TENM3: variants seen among roughly 807,000 people sequenced by gnomAD.
The protein encoded by TENM3 is teneurin transmembrane protein 3.
A neutral mutation model predicts 255.1 loss-of-function variants in TENM3; 63 were observed. That is an observed-to-expected ratio of 0.25 (90% CI 0.20 to 0.30). The LOEUF (loss-of-function observed/expected upper bound fraction) is 0.30, where lower values mean the gene tolerates loss of function less well. TENM3 is among the 10% of genes least tolerant of loss of function. The probability of loss-of-function intolerance (pLI) is 1.00; values close to 1 mark genes in which losing one functional copy is unlikely to be tolerated. For missense variants in TENM3, 2,929 were observed against 3,461.1 expected, an observed-to-expected ratio of 0.85 and a Z score of 3.86; for synonymous variants, 1,306 against 1,322.3, an observed-to-expected ratio of 0.99 and a Z score of 0.27.
At chr4:182,196,326 T>C in intron 1 of TENM3, among the ~76,000 whole-genome samples, 1 of 152,102 alleles carries the variant, frequency 6.6e-6, no homozygotes, top group Non-Finnish European at 1.5e-5. Context: ...TTCAGGAAGA[T>C]GTGTAGCGTG....
At chr4:182,177,082 T>C (rs541515402) in intron 1 of TENM3, among the ~76,000 whole-genome samples, 33 of 152,146 alleles carry the variant, frequency 2.2e-4, no homozygotes, top group Non-Finnish European at 3.7e-4. Flanking sequence ...TGAAAATCAA[T>C]TATGAATGAG....
chr4:182,366,624 C>T (rs1029999610), intron 3 of TENM3, among the ~76,000 whole-genome samples: 3 of 152,092 alleles, frequency 2.0e-5, no homozygotes, highest in Non-Finnish European at 4.4e-5. Flanking sequence ...GCAGTCAAAT[C>T]TTTGCAAAGA....
At chr4:181,469,508 T>C in the TENM3 span, among the ~76,000 whole-genome samples, 57 of 152,274 alleles carry the variant, frequency 3.7e-4, no homozygotes, top group East Asian at 9.6e-3. Flanking sequence ...TAGAAAACAC[T>C]TGCATATTTT....
At chr4:181,604,456 A>G in the TENM3 span, among the ~76,000 whole-genome samples, 1 of 151,824 alleles carries the variant, frequency 6.6e-6, no homozygotes, top group Admixed American at 6.6e-5. Flanking sequence ...ACTGTTTCCC[A>G]GGGGGGACAT....
intron 2 of TENM3, among the ~76,000 whole-genome samples, chr4:182,335,337 T>C (rs899387767): frequency 8.2e-5 from 10 of 121,252 alleles, no homozygotes; most frequent in African/African-American, 2.2e-4. Context: ...CTACTAAAAA[T>C]ACAAAAAATT....
the TENM3 span, among the ~76,000 whole-genome samples, chr4:181,470,121 A>C: frequency 0.088 from 2,416 of 27,512 alleles, 107 homozygotes; most frequent in Middle Eastern, 0.17. Flanking sequence ...AAAAAAAAAA[A>C]AAAACATTAT....
intron 22 of TENM3, among the ~76,000 whole-genome samples, chr4:182,757,234 C>T (rs1005839771): frequency 6.8e-6 from 1 of 146,720 alleles, no homozygotes; most frequent in Non-Finnish European, 1.5e-5. Flanking sequence ...ATGGCATGAA[C>T]CCGGGAGGTG....
chr4:182,710,826 A>G (rs1167140656), intron 12 of TENM3, among the ~76,000 whole-genome samples: 2 of 152,222 alleles, frequency 1.3e-5, no homozygotes, highest in East Asian at 1.9e-4. Flanking sequence ...TGAAGGAGGC[A>G]TTTATGTCTC....
At chr4:182,569,692 A>G in intron 3 of TENM3, among the ~76,000 whole-genome samples, 1 of 152,246 alleles carries the variant, frequency 6.6e-6, no homozygotes, top group East Asian at 1.9e-4. Flanking sequence ...GGACGTCAAC[A>G]AGAGAAAACT....
intron 3 of TENM3, among the ~76,000 whole-genome samples, chr4:182,400,369 G>A (rs1342442123): frequency 2.0e-5 from 3 of 152,158 alleles, no homozygotes; most frequent in Non-Finnish European, 4.4e-5. Flanking sequence ...ATCAATTACT[G>A]TAACCTAAAA....
the TENM3 span, among the ~76,000 whole-genome samples, chr4:182,094,525 C>A: frequency 6.6e-6 from 1 of 152,150 alleles, no homozygotes; most frequent in African/African-American, 2.4e-5. Context: ...GGATTACAGG[C>A]GTGAGCCACG....
chr4:182,770,419 G>A (rs909746407), intron 22 of TENM3, among the ~76,000 whole-genome samples: 1 of 152,114 alleles, frequency 6.6e-6, no homozygotes, highest in Non-Finnish European at 1.5e-5. Flanking sequence ...TGGCCACTGT[G>A]CCTCAGCCGG....
chr4:182,615,535 G>A (rs1749421407), intron 4 of TENM3, among the ~76,000 whole-genome samples: 1 of 152,092 alleles, frequency 6.6e-6, no homozygotes, highest in African/African-American at 2.4e-5. Flanking sequence ...TGGAAATGTA[G>A]ATATTATGAA....
intron 3 of TENM3, among the ~76,000 whole-genome samples, chr4:182,360,935 A>C (rs527587367): frequency 2.6e-5 from 4 of 152,238 alleles, no homozygotes; most frequent in East Asian, 1.9e-4. Flanking sequence ...AAAATCTCTT[A>C]GCATTTGCTT....
At chr4:182,712,935 T>A (rs964463361) in intron 12 of TENM3, among the ~76,000 whole-genome samples, 1 of 152,240 alleles carries the variant, frequency 6.6e-6, no homozygotes, top group Non-Finnish European at 1.5e-5. Context: ...ATTTCTCTCC[T>A]TGCTTCTGTC....
At chr4:182,359,202 C>T (rs779275057) in intron 3 of TENM3, among the ~76,000 whole-genome samples, 27 of 152,182 alleles carry the variant, frequency 1.8e-4, no homozygotes, top group South Asian at 1.0e-3. Flanking sequence ...TGTCTCTGCC[C>T]GGCTTTGGTA....
the TENM3 span, among the ~76,000 whole-genome samples, chr4:181,560,601 G>A: frequency 9.2e-5 from 14 of 152,082 alleles, no homozygotes; most frequent in African/African-American, 3.1e-4. Flanking sequence ...CAAACAAACA[G>A]GGACTCAGGA....
At chr4:181,797,841 A>G in the TENM3 span, among the ~76,000 whole-genome samples, 1 of 152,176 alleles carries the variant, frequency 6.6e-6, no homozygotes, top group South Asian at 2.1e-4. Flanking sequence ...ATGTGACAGG[A>G]AAAGAGGAAG....
At chr4:182,348,812 C>G (rs1764996210) in intron 3 of TENM3, among the ~76,000 whole-genome samples, 2 of 151,906 alleles carry the variant, frequency 1.3e-5, no homozygotes, top group South Asian at 4.2e-4. Flanking sequence ...AAAATATAAA[C>G]TTTGTAACCT....
Sources: gnomAD v4.1 joint callset for allele counts (sites outside exome capture counted in the v4.1 genomes callset) on GRCh38, gnomAD v4.1.1 for gene constraint, MANE v1.5 for transcripts, NCBI Gene and HGNC (gene_info 2026-07-23, HGNC 2026-07-21) for gene names.